Variants in PKN3 observed in about 807,000 individuals in gnomAD.
PKN3 encodes serine/threonine-protein kinase N3.
In PKN3, 91 loss-of-function variants were observed where a neutral mutation model predicts 113.1. The ratio of observed to expected loss-of-function variants is 0.80; its 90% CI spans 0.68 to 0.96. The LOEUF (loss-of-function observed/expected upper bound fraction) is 0.96, where lower values mean the gene tolerates loss of function less well. Among genes scored for constraint, PKN3 ranks in the 40% least tolerant of loss-of-function variants. The pLI is 0.00. For synonymous variants in PKN3, 467 were observed against 499.0 expected (o/e 0.94, Z 0.85); for missense variants, 1,052 against 1,202.2 (o/e 0.88, Z 1.85).
At chr9:128,704,254 C>A (rs1861942542) in intron 1 of PKN3, 1 of 633,576 alleles carries the variant, frequency 1.6e-6, no homozygotes, top group Non-Finnish European at 2.0e-6. Context: ...CTGTTCCTGG[C>A]TCCAACCTGG....
rs1404523423 is a variant in PKN3, at chr9:128,715,399, A to G, written c.1747A>G (p.Lys583Glu). The G allele has an allele frequency of 6.2e-7, 1 of 1,613,912 alleles. No individual in the cohort carries two copies. Among genetic ancestry groups the G allele is most frequent in the Non-Finnish European group, 8.5e-7 (1 of 1,179,990 alleles). Residue 583 changes from lysine (K) to glutamate (E), a missense_variant, in exon 15 of 22, where the codon AAA becomes GAA. Physicochemically the swap from Lys to Glu is moderately conservative, Grantham distance 56 (BLOSUM62 1). Transcript: ENST00000291906. The surrounding 1 kb of genome is among the most constrained non-coding windows in gnomAD (Gnocchi z 4.1). Reference sequence around the variant, plus strand: ...CCTGGTCCAGTTCAAGGGGACAGGGAAATACTACGCCATCAAAGCACTGAA... The same window carrying G: ...CCTGGTCCAGTTCAAGGGGACAGGGGAATACTACGCCATCAAAGCACTGAA... ...VLLVQFKGTG[K>E]YYAIKALKKQ... is the part of the protein sequence containing the mutation.
intron 5 of PKN3, 88 bp from the exon 6 acceptor site, chr9:128,707,134 T>G: frequency 6.3e-7 from 1 of 1,585,050 alleles, no homozygotes; most frequent in Non-Finnish European, 8.6e-7. Flanking sequence ...CTGTTGAGAC[T>G]TCATGCGGAA....
chr9:128,707,932 C>T lies in PKN3; in HGVS notation c.835+527C>T, dbSNP rs368571171. On this transcript the variant is annotated intron_variant, in intron 6 of 21. Coordinates refer to ENST00000291906, the MANE Select transcript of PKN3 (RefSeq NM_013355.5). ...ACTACAAATACAAAAATTAGCCGGG[C>T]GTGGTGGCGGGTGCCTGTAATCCTG... 6.3e-4 allele frequency among the ~76,000 whole-genome samples: 95 copies of T among 150,622 alleles called. 2 individuals are homozygous for T. The South Asian group carries it at 0.019, about 31-fold the overall frequency.
chr9:128,714,951 C>T, intron 13 of PKN3, 86 bp downstream of exon 13: 1 of 1,345,158 alleles, frequency 7.4e-7, no homozygotes, highest in South Asian at 1.2e-5. Flanking sequence ...TACTCCCTGG[C>T]TCCCTGGCGG....
chr9:128,702,520 G>A lies in PKN3; in HGVS notation c.-396G>A. ...TTTCCCCCATCCCTGTCCCTAACTG[G>A]CCGGCTCCCGCGGGCGCGCGGCGGG... On this transcript the variant is annotated 5_prime_UTR_variant, in exon 1 of 22. Transcript: ENST00000291906. The A allele has an allele frequency of 9.5e-6, 2 of 211,382 alleles. No individual in the cohort carries two copies. The highest frequency in any genetic ancestry group is 9.3e-6 in the Non-Finnish European group (1 of 107,810). The allele number at this position is 211,382 out of a possible 1,614,324, so 13.1% of individuals were successfully genotyped here.
Position 128,706,769 on chromosome 9 carries a change from G to A in PKN3, c.468G>A (p.Val156=). Residue 156 remains valine, a synonymous_variant, in exon 4 of 22, where the codon GTG becomes GTA. Transcript: ENST00000291906. ...TGCTGCGGGACAGCCAGCTGAAGGT[G>A]GCCCTGCTGCGGATGAAGATCAGCA... ...QQMLRDSQLK[V]ALLRMKISSL... is the part of the protein sequence containing the mutation. The A allele has an allele frequency of 6.2e-7, 1 of 1,609,062 alleles. No homozygotes were observed. Among genetic ancestry groups the A allele is most frequent in the South Asian group, 1.1e-5 (1 of 90,418 alleles).
intron 4 of PKN3, 25 bp downstream of exon 4, chr9:128,706,849 G>T: frequency 6.2e-7 from 1 of 1,612,896 alleles, no homozygotes; most frequent in South Asian, 1.1e-5. Flanking sequence ...CACAGGGAGG[G>T]CGGAGCAGGG....
At chr9:128,714,894 G>A (rs1459410998) in intron 13 of PKN3, 29 bp downstream of exon 13, 29 of 1,600,002 alleles carry the variant, frequency 1.8e-5, no homozygotes, top group Admixed American at 3.3e-5. Flanking sequence ...CTTCATGTTT[G>A]AGACGTTCGT....
At chr9:128,704,251 T>C in intron 1 of PKN3, 1 of 648,710 alleles carries the variant, frequency 1.5e-6, no homozygotes, top group African/African-American at 2.0e-5. Flanking sequence ...TTCCTGTTCC[T>C]GGCTCCAACC....
chr9:128,707,032 C>A lies in PKN3; in HGVS notation c.651+9C>A. 1 of 1,614,160 alleles carries A rather than the reference C, an allele frequency of 6.2e-7. No individual in the cohort carries two copies. Among genetic ancestry groups the A allele is most frequent in the East Asian group, 2.2e-5 (1 of 44,894 alleles). ...GCAAGGCACTGGCTGAGGTCAGGCCCCAGCCCTGGCCCTCTCCTAAGGCTG... is the reference window on the plus strand; with the variant it reads ...GCAAGGCACTGGCTGAGGTCAGGCCACAGCCCTGGCCCTCTCCTAAGGCTG... On this transcript the variant is annotated intron_variant, in intron 5 of 21. Coordinates refer to ENST00000291906, the MANE Select transcript of PKN3 (RefSeq NM_013355.5).
At position 128,713,291 on chromosome 9, in the gene PKN3, T is replaced by C. The variant is rs774843680; in HGVS notation, c.996T>C (p.Ala332=). ...GRGELASEVL[A]VLKVDNRVVG... is the part of the protein sequence containing the mutation. Reference sequence around the variant, plus strand: ...CTGGCCCTGCAGGCGAGGTGCTGGCTGTGCTAAAGGTGGACAACCGTGTTG... The same window carrying C: ...CTGGCCCTGCAGGCGAGGTGCTGGCCGTGCTAAAGGTGGACAACCGTGTTG... Residue 332 remains alanine (A), a synonymous_variant, in exon 8 of 22, where the codon GCT becomes GCC. Coordinates refer to ENST00000291906, the MANE Select transcript of PKN3 (RefSeq NM_013355.5). The C allele has an allele frequency of 2.5e-6, 4 of 1,614,026 alleles. No individual in the cohort carries two copies. The South Asian group carries it at 4.4e-5, about 18-fold the overall frequency.
At position 128,720,418 on chromosome 9, in the gene PKN3, G is replaced by A. The variant is rs767580528; in HGVS notation, c.2482G>A (p.Ala828Thr). Residue 828 changes from alanine to threonine, a missense_variant, in exon 22 of 22, where the codon GCC becomes ACC. Transcript: ENST00000291906. This position sits in a 1 kb window ranked among gnomAD's most constrained non-coding sequence, Gnocchi z 5.5. ...FRTTNWQALL[A>T]RTIQPPFVPT... Reference sequence around the variant, plus strand: ...GACCACCAACTGGCAAGCCCTGCTCGCCCGCACCATCCAGCCCCCCTTCGT... The same window carrying A: ...GACCACCAACTGGCAAGCCCTGCTCACCCGCACCATCCAGCCCCCCTTCGT... 2.5e-5 allele frequency: 40 copies of A among 1,613,034 alleles called. No homozygotes were observed. The highest frequency in any genetic ancestry group is 4.5e-5 in the East Asian group (2 of 44,896).
chr9:128,704,649 G>A (rs1378254541), intron 1 of PKN3, among the ~76,000 whole-genome samples: 2 of 152,138 alleles, frequency 1.3e-5, no homozygotes, highest in African/African-American at 2.4e-5. Context: ...TACAGGCGTG[G>A]TGGCTCACAC....
At chr9:128,709,116 T>C (rs1862105127) in intron 6 of PKN3, among the ~76,000 whole-genome samples, 1 of 150,752 alleles carries the variant, frequency 6.6e-6, no homozygotes. Context: ...AAACCCTGTC[T>C]CCACTAAAAA....
At position 128,719,668 on chromosome 9, in the gene PKN3, G is replaced by T. The variant is rs763542851; in HGVS notation, c.2126-18G>T. 3.9e-6 allele frequency: 6 copies of T among 1,529,164 alleles called. No homozygotes were observed. In the South Asian group the frequency reaches 7.8e-5, roughly 20 times the overall value. The allele number at this position is 1,529,164 out of a possible 1,614,324, so 94.7% of individuals were successfully genotyped here. ...TAGGCCACACCAAGCAGCTATTGGT[G>T]TGCCTGTTGGTTTGCAGGGATCGGC... On this transcript the variant is annotated intron_variant, in intron 18 of 21. Transcript: ENST00000291906.
chr9:128,702,792 C>G lies in PKN3; in HGVS notation c.-124C>G, dbSNP rs1022319099. 1 of 735,704 alleles carries G rather than the reference C, an allele frequency of 1.4e-6. No homozygotes were observed. The highest frequency in any genetic ancestry group is 2.2e-6 in the Non-Finnish European group (1 of 452,112). 45.6% of individuals were successfully genotyped at this position (735,704 alleles called of 1,614,324 possible). A position where few individuals can be genotyped will look rare whatever the true frequency, so the allele number is the denominator to read the frequency against. Reference sequence around the variant, plus strand: ...GGCCAGCGGGTCTCGGGAGGGGGCGCCCGATCCCGCGTCTCCGGCGCCGCT... The same window carrying G: ...GGCCAGCGGGTCTCGGGAGGGGGCGGCCGATCCCGCGTCTCCGGCGCCGCT... On this transcript the variant is annotated 5_prime_UTR_variant, in exon 1 of 22. Transcript: ENST00000291906.
intron 6 of PKN3, among the ~76,000 whole-genome samples, chr9:128,709,460 A>G (rs897253374): frequency 6.6e-6 from 1 of 151,396 alleles, no homozygotes; most frequent in African/African-American, 2.4e-5. Flanking sequence ...GTCTCAAAAA[A>G]AAAAAATTAG....
intron 3 of PKN3, among the ~76,000 whole-genome samples, chr9:128,706,170 C>T (rs1423130101): frequency 6.6e-6 from 1 of 152,268 alleles, no homozygotes; most frequent in Non-Finnish European, 1.5e-5. Flanking sequence ...GGCTGTGGCC[C>T]TGATATGATG....
chr9:128,717,629 A>G lies in PKN3; in HGVS notation c.1986-696A>G, dbSNP rs146997426. Among the ~76,000 whole-genome samples, 1,193 of 151,104 alleles carry G rather than the reference A, an allele frequency of 7.9e-3. 13 individuals carry two copies. The highest frequency in any genetic ancestry group is 0.023 in the African/African-American group (947 of 41,172). ...TGTAATCCTAGCTACTTGAGAGGCT[A>G]AGGCAGGAGAATCGCTTGAACCCAG... On this transcript the variant is annotated intron_variant, in intron 16 of 21. Transcript: ENST00000291906.
Sources: allele counts gnomAD v4.1 joint callset (sites outside exome capture counted in the v4.1 genomes callset), GRCh38; gene constraint gnomAD v4.1.1; non-coding constraint Gnocchi (gnomAD v3.1); transcripts MANE v1.5; gene names NCBI Gene and HGNC (gene_info 2026-07-23, HGNC 2026-07-21).